CTNNA2: variants seen among roughly 807,000 people sequenced by gnomAD.
CTNNA2 encodes catenin alpha-2.
Under a neutral mutation model 101.0 loss-of-function variants are expected in CTNNA2, and 42 were observed. The ratio of observed to expected loss-of-function variants is 0.42; its 90% CI spans 0.32 to 0.54. CTNNA2 has a LOEUF of 0.54. Ranked by LOEUF, CTNNA2 falls within the 20% of genes least tolerant of loss-of-function variation. The pLI, the probability that CTNNA2 is intolerant of heterozygous loss-of-function variation, is 0.14. For missense variants in CTNNA2, 871 were observed against 1,223.1 expected (o/e 0.71, Z 4.29); for synonymous variants, 450 against 456.4 (o/e 0.99, Z 0.18).
intron 4 of CTNNA2, among the ~76,000 whole-genome samples, chr2:79,865,822 C>T (rs955669786): frequency 6.6e-6 from 1 of 152,224 alleles, no homozygotes; most frequent in Non-Finnish European, 1.5e-5. Context: ...CGGGTTCATG[C>T]CATTCTGGTG....
At chr2:80,289,684 C>T (rs1246215643) in intron 7 of CTNNA2, among the ~76,000 whole-genome samples, 1 of 152,140 alleles carries the variant, frequency 6.6e-6, no homozygotes, top group Non-Finnish European at 1.5e-5. Context: ...AAGGCAGCCA[C>T]TGATATGACC....
chr2:80,192,711 C>T (rs550223596), intron 7 of CTNNA2, among the ~76,000 whole-genome samples: 14 of 152,162 alleles, frequency 9.2e-5, no homozygotes, highest in Admixed American at 3.3e-4. Flanking sequence ...GATGGGGTTT[C>T]GCCACATTGG....
intron 15 of CTNNA2, among the ~76,000 whole-genome samples, chr2:80,599,202 C>T: frequency 6.6e-6 from 1 of 152,140 alleles, no homozygotes; most frequent in East Asian, 1.9e-4. Context: ...AGTTCCTCAG[C>T]CACACTAGCC....
chr2:80,274,044 C>T (rs1268161660), intron 7 of CTNNA2, among the ~76,000 whole-genome samples: 3 of 152,168 alleles, frequency 2.0e-5, no homozygotes, highest in Non-Finnish European at 4.4e-5. Context: ...ACATCAGCAA[C>T]AGTTTTTAAA....
At position 79,345,919 on chromosome 2, in the gene CTNNA2, C is replaced by G. The variant is rs557310582; in HGVS notation, c.-317-27912C>G. On this transcript the variant is annotated intron_variant, in intron 3 of 21. Coordinates refer to the CTNNA2 transcript ENST00000466387. The stretch of plus-strand genomic sequence containing the variant: ...CTCACCATTTTGCCCAGGCTGGTCT[C>G]GAACTCCTGAGCTCAGGCAATCTGC... Among the ~76,000 whole-genome samples the G allele has an allele frequency of 2.3e-4, 35 of 149,416 alleles. No individual in the cohort carries two copies. In the East Asian group the frequency reaches 6.4e-3, roughly 27 times the overall value.
chr2:79,684,954 T>C (rs1218538005), intron 2 of CTNNA2, among the ~76,000 whole-genome samples: 2 of 152,124 alleles, frequency 1.3e-5, no homozygotes, highest in African/African-American at 4.8e-5. Context: ...CTTACATCAA[T>C]GCTGACAGAG....
chr2:79,281,102 A>G (rs1426278001), intron 2 of CTNNA2, among the ~76,000 whole-genome samples: 1 of 151,796 alleles, frequency 6.6e-6, no homozygotes. Flanking sequence ...ACACATCCTC[A>G]TCTCAAGATA....
At chr2:79,986,939 C>A (rs1011799510) in intron 7 of CTNNA2, among the ~76,000 whole-genome samples, 1 of 152,132 alleles carries the variant, frequency 6.6e-6, no homozygotes, top group Admixed American at 6.5e-5. Context: ...TTACAAAGAT[C>A]AGTGAACATA....
chr2:79,688,023 C>T (rs1057082908), intron 2 of CTNNA2, among the ~76,000 whole-genome samples: 20 of 152,046 alleles, frequency 1.3e-4, no homozygotes, highest in Admixed American at 5.2e-4. Flanking sequence ...AAAAAAGTTT[C>T]CTCTGAAAAT....
intron 3 of CTNNA2, among the ~76,000 whole-genome samples, chr2:79,339,316 A>T (rs1677076962): frequency 6.6e-6 from 1 of 152,066 alleles, no homozygotes; most frequent in African/African-American, 2.4e-5. Flanking sequence ...CTGCCAAGAG[A>T]TTAAGAGACA....
intron 3 of CTNNA2, among the ~76,000 whole-genome samples, chr2:79,796,718 T>C (rs1041608128): frequency 6.6e-6 from 1 of 152,186 alleles, no homozygotes; most frequent in African/African-American, 2.4e-5. Context: ...GAAAAATGCA[T>C]GTAGCAGCAT....
intron 2 of CTNNA2, among the ~76,000 whole-genome samples, chr2:79,263,064 C>A (rs146802736): frequency 9.5e-4 from 145 of 152,068 alleles, no homozygotes; most frequent in African/African-American, 3.3e-3. Flanking sequence ...CTATAAGATA[C>A]AAGGAAAATT....
At chr2:79,963,573 C>G (rs747449786) in intron 7 of CTNNA2, among the ~76,000 whole-genome samples, 4 of 152,136 alleles carry the variant, frequency 2.6e-5, no homozygotes, top group Non-Finnish European at 4.4e-5. Context: ...CTTTTGCCAC[C>G]CTTACCCTAG....
chr2:79,343,707 G>A (rs999505612), intron 3 of CTNNA2, among the ~76,000 whole-genome samples: 1 of 141,292 alleles, frequency 7.1e-6, no homozygotes, highest in African/African-American at 2.7e-5. Flanking sequence ...TGTAACAATG[G>A]CCTGAAGACA....
At chr2:80,008,817 G>A (rs1260930492) in intron 7 of CTNNA2, among the ~76,000 whole-genome samples, 4 of 152,202 alleles carry the variant, frequency 2.6e-5, no homozygotes, top group Admixed American at 6.6e-5. Context: ...AAGATGCTTC[G>A]TGTGAAATCA....
intron 3 of CTNNA2, among the ~76,000 whole-genome samples, chr2:79,332,133 C>T (rs1028505470): frequency 3.3e-5 from 5 of 152,058 alleles, no homozygotes; most frequent in Non-Finnish European, 7.4e-5. Flanking sequence ...CAATAGCCCT[C>T]CTCCATCCAC....
chr2:80,051,747 C>T (rs1162562751), intron 7 of CTNNA2, among the ~76,000 whole-genome samples: 1 of 152,008 alleles, frequency 6.6e-6, no homozygotes, highest in Non-Finnish European at 1.5e-5. Flanking sequence ...TGAAGAATTC[C>T]TGAGGAAAAT....
intron 13 of CTNNA2, chr2:80,576,564 T>C (rs1695066730): frequency 6.6e-6 from 1 of 152,026 alleles, no homozygotes. Flanking sequence ...AATTTGTGAA[T>C]CTTGAATCAT....
intron 15 of CTNNA2, among the ~76,000 whole-genome samples, chr2:80,596,021 T>C (rs1446751427): frequency 6.6e-6 from 1 of 152,128 alleles, no homozygotes; most frequent in Non-Finnish European, 1.5e-5. Context: ...CATTTGTTTG[T>C]GTCCTCTCTT....
Sources: allele counts gnomAD v4.1 joint callset (sites outside exome capture counted in the v4.1 genomes callset), GRCh38; gene constraint gnomAD v4.1.1; transcripts MANE v1.5; gene names NCBI Gene and HGNC (gene_info 2026-07-23, HGNC 2026-07-21).